The following SBNO2 variants were observed in gnomAD, a reference collection of about 807,000 sequenced individuals.
The protein encoded by SBNO2 is strawberry notch homolog 2.
SBNO2 carries 89 observed loss-of-function variants against 146.3 expected under a neutral mutation model. The ratio of observed to expected loss-of-function variants is 0.61; its 90% CI spans 0.51 to 0.73. The LOEUF is 0.73. Ranked by LOEUF, SBNO2 falls within the 30% of genes least tolerant of loss-of-function variation. The pLI is 0.00. For missense variants in SBNO2, 2,092 were observed against 2,003.7 expected (o/e 1.04, Z -0.84); for synonymous variants, 1,147 against 892.6 (o/e 1.29, Z -5.08).
rs2080167933 is a variant in SBNO2 at position 1,144,499 on chromosome 19, G to A, written c.279+2810C>T. Among the ~76,000 whole-genome samples, 1 of 152,184 alleles carries A rather than the reference G, an allele frequency of 6.6e-6. No individual in the cohort carries two copies. Among genetic ancestry groups the A allele is most frequent in the African/African-American group, 2.4e-5 (1 of 41,432 alleles). On this transcript the variant is annotated intron_variant, in intron 4 of 31. Transcript: ENST00000361757. The surrounding 1 kb of genome is among the most constrained non-coding windows in gnomAD (Gnocchi z 4.1). ...CAGCAGCAATTGTTCAGGAGGGGAG[G>A]AGCAGGAGAATTCATGAGACAGAGA...
At chr19:1,131,950 T>G (rs2080033540) in intron 4 of SBNO2, 1 of 520,810 alleles carries the variant, frequency 1.9e-6, no homozygotes, top group Non-Finnish European at 3.2e-6. Context: ...GGGGTGGGGA[T>G]TTTTTTAGAT....
In SBNO2 at chr19:1,109,608, C is replaced by T; in HGVS notation, c.3124-10G>A. 6.4e-7 allele frequency: 1 copy of T among 1,568,294 alleles called. No homozygotes were observed. Among genetic ancestry groups the T allele is most frequent in the Non-Finnish European group, 8.6e-7 (1 of 1,157,464 alleles). On this transcript the variant is annotated splice_polypyrimidine_tract_variant and intron_variant, in intron 27 of 31. Coordinates refer to ENST00000361757, the MANE Select transcript of SBNO2 (RefSeq NM_014963.3). This position sits in a 1 kb window ranked among gnomAD's most constrained non-coding sequence, Gnocchi z 4.2. ...CGCGGTCCACGCTGATCTGCCACGG[C>T]ACGGGGTGGGGGGGTGTGAGTGTGG... is the stretch of plus-strand genomic sequence containing the variant.
intron 4 of SBNO2, among the ~76,000 whole-genome samples, chr19:1,146,519 G>C (rs764566836): frequency 4.6e-5 from 7 of 152,088 alleles, no homozygotes; most frequent in African/African-American, 1.7e-4. Context: ...CGGAGGCTTG[G>C]GGGAGCTGAG....
chr19:1,112,412 G>C lies in SBNO2; in HGVS notation c.2505C>G (p.Ile835Met). Residue 835 changes from isoleucine to methionine, a missense_variant, in exon 21 of 32, where the codon ATC (isoleucine) becomes ATG (methionine). Physicochemically the swap from Ile to Met is conservative, Grantham distance 10 (BLOSUM62 1). Coordinates refer to ENST00000361757, the MANE Select transcript of SBNO2 (RefSeq NM_014963.3). The surrounding 1 kb of genome is among the most constrained non-coding windows in gnomAD (Gnocchi z 5.9). ...LELPWSADRA[I>M]QQFGRTHRSN... Reference sequence around the variant, plus strand: ...CGGGGCCGGACTCACCGAACTGCTGGATGGCGCGGTCGGCGCTCCACGGCA... The same window carrying C: ...CGGGGCCGGACTCACCGAACTGCTGCATGGCGCGGTCGGCGCTCCACGGCA... The C allele has an allele frequency of 6.2e-7, 1 of 1,603,722 alleles. No individual in the cohort carries two copies. The highest frequency in any genetic ancestry group is 1.1e-5 in the South Asian group (1 of 90,542).
At chr19:1,146,959 G>T (rs1221322399) in intron 4 of SBNO2, among the ~76,000 whole-genome samples, 1 of 152,172 alleles carries the variant, frequency 6.6e-6, no homozygotes, top group African/African-American at 2.4e-5. Context: ...TGTGCAGGGT[G>T]TCTGGACCCG....
chr19:1,116,195 T>C (rs2079830217), intron 16 of SBNO2, 92 bp from the exon 17 acceptor site: 1 of 1,217,220 alleles, frequency 8.2e-7, no homozygotes, highest in African/African-American at 1.5e-5. Context: ...TGGGTCCCTG[T>C]GGGGGTCCCG....
At position 1,110,371 on chromosome 19, in the gene SBNO2, G is replaced by C. The variant is rs1015408245; in HGVS notation, c.3028+374C>G. Among the ~76,000 whole-genome samples, 6 of 152,138 alleles carry C rather than the reference G, an allele frequency of 3.9e-5. No homozygotes were observed. Among genetic ancestry groups the C allele is most frequent in the Non-Finnish European group, 7.4e-5 (5 of 68,006 alleles). On this transcript the variant is annotated intron_variant, in intron 26 of 31. Coordinates refer to ENST00000361757, the MANE Select transcript of SBNO2 (RefSeq NM_014963.3). This position sits in a 1 kb window ranked among gnomAD's most constrained non-coding sequence, Gnocchi z 4.9. The stretch of plus-strand genomic sequence containing the variant: ...AGCCTGGGGATGAGCATGGTGGGCA[G>C]CGTGCACCAGCCTGGGCACCTTCCA...
chr19:1,110,783 A>G lies in SBNO2; in HGVS notation c.2990T>C (p.Met997Thr), dbSNP rs766819670. Reference sequence around the variant, plus strand: ...GTCGTATTTGCCCTCCCGCTTGTCCATCTCGATGAGGTGGTCGAAGGTGTC... The same window carrying G: ...GTCGTATTTGCCCTCCCGCTTGTCCGTCTCGATGAGGTGGTCGAAGGTGTC... The part of the protein sequence containing the change: ...FSDTFDHLIE[M>T]DKREGKYDMG... Residue 997 changes from methionine (M) to threonine (T), a missense_variant, in exon 26 of 32, where the codon ATG becomes ACG. Physicochemically the swap from Met to Thr is moderately conservative, Grantham distance 81. Coordinates refer to ENST00000361757, the MANE Select transcript of SBNO2 (RefSeq NM_014963.3). This position sits in a 1 kb window ranked among gnomAD's most constrained non-coding sequence, Gnocchi z 4.9. 3.1e-6 allele frequency: 5 copies of G among 1,613,092 alleles called. No individual in the cohort carries two copies. The highest frequency in any genetic ancestry group is 1.6e-4 in the Middle Eastern group (1 of 6,078).
chr19:1,171,782 G>C (rs1361913032), intron 1 of SBNO2, among the ~76,000 whole-genome samples: 2 of 152,142 alleles, frequency 1.3e-5, no homozygotes, highest in Non-Finnish European at 2.9e-5. Context: ...GTCTAGGGGT[G>C]GCTGGCGCAA....
At chr19:1,123,793 C>A in intron 6 of SBNO2, 149 bp downstream of exon 6, 2 of 1,053,870 alleles carry the variant, frequency 1.9e-6, no homozygotes, top group South Asian at 1.6e-5. Context: ...GGTGCTCCCC[C>A]AGGGCCTCCA....
chr19:1,150,088 G>A lies in SBNO2; in HGVS notation c.94-646C>T, dbSNP rs958285344. On this transcript the variant is annotated intron_variant, in intron 2 of 31. Coordinates refer to ENST00000361757, the MANE Select transcript of SBNO2 (RefSeq NM_014963.3). This position sits in a 1 kb window ranked among gnomAD's most constrained non-coding sequence, Gnocchi z 6.2. ...GGCTCAGCCCGAGGTCAGTGGAGGC[G>A]TGAGTGGCTCCAGGTTGGCCGAATC... Among the ~76,000 whole-genome samples the A allele has an allele frequency of 2.6e-5, 4 of 152,164 alleles. No homozygotes were observed. The highest frequency in any genetic ancestry group is 9.7e-5 in the African/African-American group (4 of 41,416).
rs1402407890 is a variant in SBNO2, at chr19:1,144,989, CAG to C, written c.279+2318_279+2319del. 7.2e-6 allele frequency among the ~76,000 whole-genome samples: 1 copy of C among 138,078 alleles called. No homozygotes were observed. Among genetic ancestry groups the C allele is most frequent in the African/African-American group, 2.8e-5 (1 of 36,068 alleles). The allele number at this position is 138,078 out of a possible 152,430, so 90.6% of individuals were successfully genotyped here. On this transcript the variant is annotated intron_variant, in intron 4 of 31. Coordinates refer to ENST00000361757, the MANE Select transcript of SBNO2 (RefSeq NM_014963.3). The surrounding 1 kb of genome is among the most constrained non-coding windows in gnomAD (Gnocchi z 4.1). ...ACAGAGACAGAGACTGAGAGGGAGA[CAG>C]AGAGATGGAGCATAGAGGGAGACAG...
intron 1 of SBNO2, among the ~76,000 whole-genome samples, chr19:1,167,881 C>T (rs558782634): frequency 1.6e-4 from 25 of 152,282 alleles, no homozygotes; most frequent in African/African-American, 5.1e-4. Context: ...GAGCAGGCTC[C>T]GGGGACACGC....
At chr19:1,124,961 G>A (rs991874212) in intron 5 of SBNO2, among the ~76,000 whole-genome samples, 15 of 152,100 alleles carry the variant, frequency 9.9e-5, no homozygotes, top group African/African-American at 3.6e-4. Context: ...GGGACGGATG[G>A]CTGGGGGATG....
intron 17 of SBNO2, 49 bp from the exon 18 acceptor site, chr19:1,114,471 G>A: frequency 1.4e-6 from 2 of 1,431,388 alleles, no homozygotes; most frequent in Non-Finnish European, 1.9e-6. Flanking sequence ...GCAAGGTGGA[G>A]GAGCAGGTGG....
chr19:1,131,728 C>A (rs945182145), intron 4 of SBNO2, among the ~76,000 whole-genome samples: 1 of 152,196 alleles, frequency 6.6e-6, no homozygotes, highest in African/African-American at 2.4e-5. Flanking sequence ...GGGTCCTACC[C>A]CAGGGGCAGA....
At chr19:1,141,558 T>C (rs1168843902) in intron 4 of SBNO2, among the ~76,000 whole-genome samples, 1 of 152,054 alleles carries the variant, frequency 6.6e-6, no homozygotes, top group Non-Finnish European at 1.5e-5. Context: ...GGTCTCATTA[T>C]GTTGCCCAGG....
Position 1,109,872 on chromosome 19 carries a change from A to G in SBNO2, c.3029-95T>C, listed in dbSNP as rs1474347512. 171 of 786,488 alleles carry G rather than the reference A, an allele frequency of 2.2e-4. No individual in the cohort carries two copies. Among genetic ancestry groups the G allele is most frequent in the Middle Eastern group, 7.7e-4 (2 of 2,582 alleles). The allele number at this position is 786,488 out of a possible 1,614,324, so 48.7% of individuals were successfully genotyped here. A position where few individuals can be genotyped will look rare whatever the true frequency, so the allele number is the denominator to read the frequency against. Reference sequence around the variant, plus strand: ...GTAGCCGGGGCGCACCCTAGAGACGACCCCCCGAGAGCACAGGAGAGGGTG... The same window carrying G: ...GTAGCCGGGGCGCACCCTAGAGACGGCCCCCCGAGAGCACAGGAGAGGGTG... On this transcript the variant is annotated intron_variant, in intron 26 of 31. Transcript: ENST00000361757. The surrounding 1 kb of genome is among the most constrained non-coding windows in gnomAD (Gnocchi z 4.2).
intron 1 of SBNO2, among the ~76,000 whole-genome samples, chr19:1,164,623 A>G (rs1458589083): frequency 1.4e-3 from 84 of 61,400 alleles, no homozygotes; most frequent in South Asian, 3.7e-3. Flanking sequence ...AGGAGGAGGA[A>G]CAGGAGGAGG....
Sources: gnomAD v4.1 joint callset for allele counts (sites outside exome capture counted in the v4.1 genomes callset) on GRCh38, gnomAD v4.1.1 for gene constraint, Gnocchi (gnomAD v3.1) non-coding constraint, MANE v1.5 for transcripts, NCBI Gene and HGNC (gene_info 2026-07-23, HGNC 2026-07-21) for gene names.